Variants in NSD2 observed in about 807,000 individuals in gnomAD.
NSD2 encodes the protein histone-lysine N-methyltransferase NSD2.
Under a neutral mutation model 139.0 loss-of-function variants are expected in NSD2, and 12 were observed. That is an observed-to-expected ratio of 0.09 (90% confidence interval 0.06 to 0.14). The LOEUF is 0.14. Among genes scored for constraint, NSD2 ranks in the 10% least tolerant of loss-of-function variants. The pLI, the probability that NSD2 is intolerant of heterozygous loss-of-function variation, is 1.00. For synonymous variants in NSD2, 669 were observed against 648.7 expected, an observed-to-expected ratio of 1.03 and a Z score of -0.48; for missense variants, 1,155 against 1,745.0, an observed-to-expected ratio of 0.66 and a Z score of 6.02.
intron 9 of NSD2, chr4:1,944,739 C>CT: frequency 9.4e-7 from 1 of 1,064,660 alleles, no homozygotes; most frequent in Non-Finnish European, 1.1e-6. Context: ...GCCATCAAGC[C>CT]TTTATATATC....
chr4:1,947,227 G>C, intron 9 of NSD2: 1 of 1,064,458 alleles, frequency 9.4e-7, no homozygotes, highest in African/African-American at 1.6e-5. Context: ...AAGTTGGGTT[G>C]ATAGGATATT....
chr4:1,959,235 G>A (rs550674606), intron 16 of NSD2, among the ~76,000 whole-genome samples: 5 of 152,294 alleles, frequency 3.3e-5, no homozygotes, highest in South Asian at 2.1e-4. Context: ...CAGACACTAA[G>A]ATAAAATAAT....
intron 3 of NSD2, 60 bp downstream of exon 3, chr4:1,904,438 T>A (rs1717615712): frequency 6.6e-7 from 1 of 1,523,786 alleles, no homozygotes; most frequent in South Asian, 1.3e-5. Flanking sequence ...CTTTCTCATC[T>A]CCAGGCTTCT....
chr4:1,909,564 C>T (rs1358551900), intron 3 of NSD2, among the ~76,000 whole-genome samples: 1 of 152,010 alleles, frequency 6.6e-6, no homozygotes, highest in Non-Finnish European at 1.5e-5. Flanking sequence ...AGAGATAGCT[C>T]CTGCCGTGGA....
intron 1 of NSD2, chr4:1,892,054 C>T (rs977743683): frequency 6.6e-6 from 1 of 152,114 alleles, no homozygotes; most frequent in African/African-American, 2.4e-5. Flanking sequence ...ATATTAGCAC[C>T]TCAAGAATAA....
At chr4:1,954,367 C>T (rs1011460821) in intron 12 of NSD2, among the ~76,000 whole-genome samples, 2 of 151,946 alleles carry the variant, frequency 1.3e-5, no homozygotes, top group African/African-American at 4.8e-5. Context: ...GCTCTGACCT[C>T]TTTTCTTTTT....
intron 1 of NSD2, among the ~76,000 whole-genome samples, chr4:1,889,882 G>T (rs1303714876): frequency 6.6e-6 from 1 of 151,846 alleles, no homozygotes; most frequent in African/African-American, 2.4e-5. Flanking sequence ...GTACAATTCA[G>T]TGGTGTTTTT....
rs1215743851 is a variant in NSD2, at chr4:1,930,709, G to A, written c.1494G>A (p.Gln498=). Residue 498 remains glutamine, a synonymous_variant, in exon 6 of 22, where the codon CAG becomes CAA. Transcript: ENST00000508803. ...RSQWSLLSEK[Q]RARYNTKFAL... ...AGTGGAGTCTGCTGAGTGAGAAGCA[G>A]AGAGCACGCTACAACACCAAGTTTG... 2 of 1,613,998 alleles carry A rather than the reference G, an allele frequency of 1.2e-6. No individual in the cohort carries two copies. Among genetic ancestry groups the A allele is most frequent in the South Asian group, 2.2e-5 (2 of 91,058 alleles).
chr4:1,930,762 A>C lies in NSD2; in HGVS notation c.1547A>C (p.Glu516Ala). ...FALVAPVQAE[E>A]DSGNVNGKKR... ...CTGGTGGCCCCTGTCCAGGCTGAAG[A>C]AGACTCTGGTAAACATAGCATTATG... The change falls in exon 6 of 22, where the codon GAA (glutamate) becomes GCA (alanine). Residue 516 changes from glutamate (E) to alanine (A), a missense_variant. Glu to Ala is a moderately radical substitution (Grantham distance 107). Transcript: ENST00000508803. 1 of 1,613,240 alleles carries C rather than the reference A, an allele frequency of 6.2e-7. No homozygotes were observed. Among genetic ancestry groups the C allele is most frequent in the Non-Finnish European group, 8.5e-7 (1 of 1,179,668 alleles).
At chr4:1,921,107 G>T (rs79653189) in intron 5 of NSD2, among the ~76,000 whole-genome samples, 2,006 of 152,290 alleles carry the variant, frequency 0.013, 26 homozygotes, top group East Asian at 0.045. Context: ...TCCTAAATCT[G>T]TTTAAGGATA....
chr4:1,915,564 T>G (rs1200547802), intron 3 of NSD2, among the ~76,000 whole-genome samples: 1 of 152,170 alleles, frequency 6.6e-6, no homozygotes, highest in Non-Finnish European at 1.5e-5. Context: ...TTCATTTCTG[T>G]GTGTTTTGGA....
Position 1,930,758 on chromosome 4 carries a change from G to A in NSD2, c.1543G>A (p.Glu515Lys), listed in dbSNP as rs1188354432. The change falls in exon 6 of 22, where the codon GAA becomes AAA. Residue 515 changes from glutamate (E) to lysine (K), a missense_variant. Transcript: ENST00000508803. ...KFALVAPVQA[E>K]EDSGNVNGKK... ...TGCCCTGGTGGCCCCTGTCCAGGCT[G>A]AAGAAGACTCTGGTAAACATAGCAT... 13 of 1,613,326 alleles carry A rather than the reference G, an allele frequency of 8.1e-6. No individual in the cohort carries two copies. The highest frequency in any genetic ancestry group is 1.1e-5 in the Non-Finnish European group (13 of 1,179,680).
intron 4 of NSD2, among the ~76,000 whole-genome samples, chr4:1,917,911 G>GCA (rs1719617100): frequency 6.6e-6 from 1 of 150,760 alleles, no homozygotes; most frequent in Non-Finnish European, 1.5e-5. Flanking sequence ...CTCCCTAGTA[G>GCA]CTGGGACCAC....
Position 1,942,411 on chromosome 4 carries a change from A to G in NSD2, c.1881+2633A>G, listed in dbSNP as rs749849043. The G allele has an allele frequency of 6.2e-7, 1 of 1,607,802 alleles. No individual in the cohort carries two copies. The highest frequency in any genetic ancestry group is 8.5e-7 in the Non-Finnish European group (1 of 1,177,874). On this transcript the variant is annotated intron_variant, in intron 9 of 21. Transcript: ENST00000508803. The surrounding 1 kb of genome is among the most constrained non-coding windows in gnomAD (Gnocchi z 4.0). ...TCTGTACTGCACTTAGAATGATGTA[A>G]TATTCCAGGATGCTGCTGCAGGTGG...
chr4:1,922,427 A>G (rs969839242), intron 5 of NSD2, among the ~76,000 whole-genome samples: 1 of 152,260 alleles, frequency 6.6e-6, no homozygotes, highest in Non-Finnish European at 1.5e-5. Context: ...GCAGACCTCA[A>G]TAAAGATGTA....
In NSD2 at chr4:1,871,459, C is replaced by A; in HGVS notation, c.-113C>A. The A allele has an allele frequency of 6.7e-6, 1 of 148,774 alleles. No individual in the cohort carries two copies. The highest frequency in any genetic ancestry group is 1.8e-4 in the South Asian group (1 of 5,536). 9.2% of individuals were successfully genotyped at this position (148,774 alleles called of 1,614,324 possible). A position where few individuals can be genotyped will look rare whatever the true frequency, so the allele number is the denominator to read the frequency against. On this transcript the variant is annotated 5_prime_UTR_variant, in exon 1 of 22. It adds an upstream start codon to the 5' untranslated region. Coordinates refer to ENST00000508803, the MANE Select transcript of NSD2 (RefSeq NM_001042424.3). Reference sequence around the variant, plus strand: ...GCCGCCGCCGCCGCCCCCTCCCCGCCTGGGCCCTACCGCCGCACGGCCCCG... The same window carrying A: ...GCCGCCGCCGCCGCCCCCTCCCCGCATGGGCCCTACCGCCGCACGGCCCCG...
rs989010179 is a variant in NSD2 at position 1,979,615 on chromosome 4, C to T, written c.*706C>T. On this transcript the variant is annotated 3_prime_UTR_variant, in exon 22 of 22. Transcript: ENST00000508803. ...GTCCACTTTCAACGTGTAGTTTACG[C>T]GGAGCACTTTCGAGGCCTGGCCGGG... The T allele has an allele frequency of 2.6e-5, 6 of 232,688 alleles. No individual in the cohort carries two copies. Among genetic ancestry groups the T allele is most frequent in the East Asian group, 1.8e-4 (3 of 16,532 alleles). The allele number at this position is 232,688 out of a possible 1,614,324, so 14.4% of individuals were successfully genotyped here.
chr4:1,935,035 A>G (rs1420111791), intron 6 of NSD2, 109 bp from the exon 7 acceptor site: 3 of 698,524 alleles, frequency 4.3e-6, no homozygotes, highest in Non-Finnish European at 7.0e-6. Context: ...CAGGAAACCC[A>G]TCATGGGCTG....
Position 1,979,002 on chromosome 4 carries a change from C to T in NSD2, c.*93C>T. The T allele has an allele frequency of 7.1e-7, 1 of 1,411,442 alleles. No individual in the cohort carries two copies. Among genetic ancestry groups the T allele is most frequent in the Non-Finnish European group, 9.3e-7 (1 of 1,078,976 alleles). 87.4% of individuals were successfully genotyped at this position (1,411,442 alleles called of 1,614,324 possible). On this transcript the variant is annotated 3_prime_UTR_variant, in exon 22 of 22. Coordinates refer to ENST00000508803, the MANE Select transcript of NSD2 (RefSeq NM_001042424.3). ...CGAGCATGAACTGGCCCGGAGGACC[C>T]AGCTCGAGCCGCCAGGACACAGACG...
Sources: allele counts gnomAD v4.1 joint callset (sites outside exome capture counted in the v4.1 genomes callset), GRCh38; gene constraint gnomAD v4.1.1; non-coding constraint Gnocchi (gnomAD v3.1); transcripts MANE v1.5; gene names NCBI Gene and HGNC (gene_info 2026-07-23, HGNC 2026-07-21).